The following NFIB variants were observed in gnomAD, a reference collection of about 807,000 sequenced individuals.
NFIB encodes the protein nuclear factor I B, also known as nuclear factor 1 B-type.
Under a neutral mutation model 61.5 loss-of-function variants are expected in NFIB, and 11 were observed. The ratio of observed to expected loss-of-function variants is 0.18; its 90% CI spans 0.11 to 0.30. The LOEUF (loss-of-function observed/expected upper bound fraction) is 0.30. Among genes scored for constraint, NFIB ranks in the 10% least tolerant of loss-of-function variants. The pLI, the probability that NFIB is intolerant of heterozygous loss-of-function variation, is 1.00. For missense variants in NFIB, 471 were observed against 608.9 expected, an observed-to-expected ratio of 0.77 and a Z score of 2.38; for synonymous variants, 260 against 216.5, an observed-to-expected ratio of 1.20 and a Z score of -1.76.
Position 14,395,113 on chromosome 9 carries a change from C to T in NFIB, c.108+3411G>A, listed in dbSNP as rs73419680. 6.0e-3 allele frequency among the ~76,000 whole-genome samples: 911 copies of T among 152,114 alleles called. 15 individuals are homozygous for T. The highest frequency in any genetic ancestry group is 0.02 in the African/African-American group (845 of 41,490). ...CTAGACTGGTGTCTGGTGGCTTCCT[C>T]AGAACCCTGGGTGCCAAGATGTCAG... is the stretch of plus-strand genomic sequence containing the variant. On this transcript the variant is annotated intron_variant, in intron 1 of 8. Coordinates refer to the NFIB transcript ENST00000380934.
intron 10 of NFIB, among the ~76,000 whole-genome samples, chr9:14,098,092 A>G (rs376735347): frequency 2.0e-5 from 3 of 152,146 alleles, no homozygotes; most frequent in African/African-American, 7.2e-5. Context: ...ATAGCTGATA[A>G]AAGTCTCTTT....
the NFIB span, among the ~76,000 whole-genome samples, chr9:14,489,549 A>T: frequency 6.6e-6 from 1 of 152,170 alleles, no homozygotes; most frequent in Admixed American, 6.5e-5. Context: ...GCAAGTGTTA[A>T]AAAATGAAGC....
intron 2 of NFIB, among the ~76,000 whole-genome samples, chr9:14,208,782 C>G (rs769670681): frequency 3.3e-5 from 5 of 151,922 alleles, no homozygotes; most frequent in Non-Finnish European, 7.4e-5. Flanking sequence ...AGCATATATT[C>G]AAAAAAATGC....
chr9:14,438,055 CAT>C, the NFIB span, among the ~76,000 whole-genome samples: 7 of 149,114 alleles, frequency 4.7e-5, no homozygotes, highest in Non-Finnish European at 7.4e-5. Context: ...CGTGTGCACG[CAT>C]GTGTGTGTGT....
At chr9:14,488,275 A>C in the NFIB span, among the ~76,000 whole-genome samples, 3 of 151,822 alleles carry the variant, frequency 2.0e-5, no homozygotes, top group African/African-American at 7.3e-5. Context: ...CAGTGGGAGG[A>C]TCACTTGAGC....
Position 14,294,919 on chromosome 9 carries a change from T to C in NFIB, c.562+12070A>G, listed in dbSNP as rs1013348860. On this transcript the variant is annotated intron_variant, in intron 2 of 10. Coordinates refer to ENST00000380953, the MANE Select transcript of NFIB (RefSeq NM_001190737.2). Reference sequence around the variant, plus strand: ...AGTGAGGGGTGCAGTTCAGTGGCCGTAGGGAAACAAGCACCGAAACTAGTT... The same window carrying C: ...AGTGAGGGGTGCAGTTCAGTGGCCGCAGGGAAACAAGCACCGAAACTAGTT... 5.6e-4 allele frequency among the ~76,000 whole-genome samples: 85 copies of C among 152,158 alleles called. 1 individual carries two copies. The highest frequency in any genetic ancestry group is 1.7e-3 in the African/African-American group (72 of 41,430).
At chr9:14,213,020 G>A (rs2050474411) in intron 2 of NFIB, among the ~76,000 whole-genome samples, 1 of 152,176 alleles carries the variant, frequency 6.6e-6, no homozygotes, top group African/African-American at 2.4e-5. Context: ...CATATAAAAT[G>A]TGATAAAATC....
the NFIB span, among the ~76,000 whole-genome samples, chr9:14,492,554 A>G: frequency 3.5e-4 from 53 of 152,180 alleles, no homozygotes; most frequent in African/African-American, 1.2e-3. Flanking sequence ...AGCACTTCAC[A>G]TGGCCAGAGC....
the NFIB span, among the ~76,000 whole-genome samples, chr9:14,508,071 A>G: frequency 6.6e-5 from 10 of 151,432 alleles, no homozygotes; most frequent in African/African-American, 2.4e-4. Context: ...AATCCAAACA[A>G]TTAGGCATAT....
At chr9:14,280,901 A>T (rs1016109237) in intron 2 of NFIB, among the ~76,000 whole-genome samples, 1 of 152,184 alleles carries the variant, frequency 6.6e-6, no homozygotes, top group East Asian at 1.9e-4. Context: ...GTGATCATTT[A>T]AAAAATAAGA....
Position 14,085,395 on chromosome 9 carries a change from A to G in NFIB, c.*2914T>C, listed in dbSNP as rs7036959. ...TCAATGGGACTGGGCGGTGAGGGAAAGGCAAAATAAAACCAGCCTCCATTC... is the reference window on the plus strand; with the variant it reads ...TCAATGGGACTGGGCGGTGAGGGAAGGGCAAAATAAAACCAGCCTCCATTC... On this transcript the variant is annotated 3_prime_UTR_variant, in exon 11 of 11. Coordinates refer to ENST00000380953, the MANE Select transcript of NFIB (RefSeq NM_001190737.2). 15,533 of 223,606 alleles carry G rather than the reference A, an allele frequency of 0.069. 2,318 individuals carry two copies. Among genetic ancestry groups the G allele is most frequent in the African/African-American group, 0.32 (14,098 of 44,694 alleles). 13.9% of individuals were successfully genotyped at this position (223,606 alleles called of 1,614,324 possible).
chr9:14,341,571 C>A (rs146095043), intron 1 of NFIB, among the ~76,000 whole-genome samples: 6 of 152,096 alleles, frequency 3.9e-5, no homozygotes, highest in Non-Finnish European at 8.8e-5. Context: ...GTGTCAGTGC[C>A]GCTCACTGGT....
At chr9:14,291,414 G>C (rs886324221) in intron 2 of NFIB, among the ~76,000 whole-genome samples, 1 of 152,160 alleles carries the variant, frequency 6.6e-6, no homozygotes, top group Admixed American at 6.5e-5. Context: ...GAACCTGGGA[G>C]GTGGAGGTTG....
At chr9:14,355,033 G>C (rs935834654) in intron 1 of NFIB, among the ~76,000 whole-genome samples, 1 of 151,872 alleles carries the variant, frequency 6.6e-6, no homozygotes, top group Non-Finnish European at 1.5e-5. Context: ...TCAGGGATGG[G>C]GAGATGCTGT....
chr9:14,403,554 C>T (rs1212488952), upstream of NFIB, among the ~76,000 whole-genome samples: 1 of 149,998 alleles, frequency 6.7e-6, no homozygotes, highest in East Asian at 2.0e-4. Context: ...TCCCATTTCT[C>T]TTTTTTCCTA....
intron 2 of NFIB, among the ~76,000 whole-genome samples, chr9:14,242,874 T>C (rs1186281671): frequency 1.3e-5 from 2 of 152,194 alleles, no homozygotes; most frequent in African/African-American, 2.4e-5. Context: ...TGATTTGAAA[T>C]GTACTTTCAC....
At chr9:14,090,959 A>G (rs534376055) in intron 10 of NFIB, among the ~76,000 whole-genome samples, 2 of 152,100 alleles carry the variant, frequency 1.3e-5, no homozygotes, top group African/African-American at 4.8e-5. Flanking sequence ...AAAATGTTCA[A>G]TAAAAATAAA....
chr9:14,336,175 A>G (rs1243212752), intron 1 of NFIB, among the ~76,000 whole-genome samples: 1 of 152,208 alleles, frequency 6.6e-6, no homozygotes, highest in Non-Finnish European at 1.5e-5. Flanking sequence ...TCTTGTTTTT[A>G]ACAAGTTTTC....
chr9:14,388,540 G>C (rs922175792), intron 1 of NFIB, among the ~76,000 whole-genome samples: 2 of 151,000 alleles, frequency 1.3e-5, no homozygotes, highest in African/African-American at 4.9e-5. Context: ...AAGGGAAGGA[G>C]GGAAAAATGC....
Sources: gnomAD v4.1 joint callset for allele counts (sites outside exome capture counted in the v4.1 genomes callset) on GRCh38, gnomAD v4.1.1 for gene constraint, MANE v1.5 for transcripts, NCBI Gene and HGNC (gene_info 2026-07-23, HGNC 2026-07-21) for gene names.